The following NXPE2 variants were observed in gnomAD, a reference collection of about 807,000 sequenced individuals.
NXPE2 encodes NXPE family member 2.
NXPE2 carries 34 observed loss-of-function variants against 34.4 expected under a neutral mutation model. That is an observed-to-expected ratio of 0.99 (90% CI 0.75 to 1.31). The LOEUF (loss-of-function observed/expected upper bound fraction) is 1.31, where lower values mean the gene tolerates loss of function less well. Among genes scored for constraint, NXPE2 ranks in the 40% most tolerant of loss-of-function variants. NXPE2 has a pLI of 0.00. For missense variants in NXPE2, 649 were observed against 672.5 expected, an observed-to-expected ratio of 0.97 and a Z score of 0.39; for synonymous variants, 235 against 231.3, an observed-to-expected ratio of 1.02 and a Z score of -0.15.
chr11:114,797,704 C>T, the NXPE2 span, among the ~76,000 whole-genome samples: 1 of 152,156 alleles, frequency 6.6e-6, no homozygotes, highest in Non-Finnish European at 1.5e-5. Flanking sequence ...ATTCCATGAA[C>T]CTTTCAAGTG....
At chr11:114,549,594 T>C in the NXPE2 span, among the ~76,000 whole-genome samples, 1 of 152,004 alleles carries the variant, frequency 6.6e-6, no homozygotes, top group Non-Finnish European at 1.5e-5. Context: ...CCTCTACACA[T>C]AAAATATATA....
the NXPE2 span, among the ~76,000 whole-genome samples, chr11:114,562,784 G>T: frequency 1.3e-5 from 2 of 152,112 alleles, no homozygotes; most frequent in Non-Finnish European, 2.9e-5. Flanking sequence ...GATAAGGCTC[G>T]ATCTGTGGTT....
the NXPE2 span, among the ~76,000 whole-genome samples, chr11:114,573,443 G>C: frequency 6.9e-6 from 1 of 145,814 alleles, no homozygotes; most frequent in Non-Finnish European, 1.5e-5. Flanking sequence ...CACCAGCCAA[G>C]TTTCTGCTGT....
At chr11:114,725,593 C>T in the NXPE2 span, among the ~76,000 whole-genome samples, 2 of 151,928 alleles carry the variant, frequency 1.3e-5, no homozygotes, top group Non-Finnish European at 2.9e-5. Context: ...TTAATAATGG[C>T]GTAGCCCCAC....
At chr11:114,633,799 AT>A in the NXPE2 span, among the ~76,000 whole-genome samples, 4 of 151,950 alleles carry the variant, frequency 2.6e-5, no homozygotes, top group Non-Finnish European at 4.4e-5. Flanking sequence ...TGAACTCACC[AT>A]TTTTTATGGC....
rs778550381 is a variant in NXPE2, at chr11:114,678,607, G to A, written c.26+6G>A. 3 of 1,547,676 alleles carry A rather than the reference G, an allele frequency of 1.9e-6. No individual in the cohort carries two copies. The South Asian group carries it at 3.6e-5, about 18-fold the overall frequency. On this transcript the variant is annotated splice_donor_region_variant and intron_variant, in intron 1 of 5. Coordinates refer to ENST00000389586, the MANE Select transcript of NXPE2 (RefSeq NM_182495.6). ...GAGAAAATACTCATCCATAGGTGTG[G>A]TACTTTCCAACTCTTACTGCCAAGC...
chr11:114,484,330 T>C, the NXPE2 span, among the ~76,000 whole-genome samples: 2 of 152,174 alleles, frequency 1.3e-5, no homozygotes, highest in East Asian at 3.8e-4. Flanking sequence ...GGTATTTTTA[T>C]TGCACTTTCC....
chr11:114,522,044 T>C, the NXPE2 span: 2 of 1,613,824 alleles, frequency 1.2e-6, no homozygotes, highest in Non-Finnish European at 1.7e-6. Context: ...GTCAGTGCCA[T>C]ATGCAATGGT....
At chr11:114,553,691 G>T in the NXPE2 span, 1 of 983,702 alleles carries the variant, frequency 1.0e-6, no homozygotes, top group Non-Finnish European at 1.2e-6. Flanking sequence ...GTCTCACCTA[G>T]ATTCTACTCC....
intron 4 of NXPE2, among the ~76,000 whole-genome samples, chr11:114,704,603 G>T (rs1161232715): frequency 6.6e-6 from 1 of 152,204 alleles, no homozygotes; most frequent in African/African-American, 2.4e-5. Flanking sequence ...CAAAATTAAA[G>T]TAAAGCAAAG....
At chr11:114,678,093 A>T (rs1435697815), upstream of NXPE2, among the ~76,000 whole-genome samples, 1 of 152,138 alleles carries the variant, frequency 6.6e-6, no homozygotes, top group East Asian at 1.9e-4. Context: ...GTTTACAAAG[A>T]AAGCACTCCA....
the NXPE2 span, among the ~76,000 whole-genome samples, chr11:114,625,213 T>C: frequency 0.014 from 2,071 of 152,298 alleles, 33 homozygotes; most frequent in African/African-American, 0.047. Flanking sequence ...GTAACCACTG[T>C]TACCTGTTGG....
the NXPE2 span, among the ~76,000 whole-genome samples, chr11:114,605,155 G>GT: frequency 2.6e-5 from 4 of 150,970 alleles, no homozygotes; most frequent in African/African-American, 9.7e-5. Flanking sequence ...CTGTTTCCCA[G>GT]GGATAATAAG....
chr11:114,582,948 GTT>G, the NXPE2 span: 3 of 1,614,152 alleles, frequency 1.9e-6, no homozygotes, highest in South Asian at 3.3e-5. Flanking sequence ...TATCAGTGGT[GTT>G]TTAGGGAATA....
chr11:114,711,783 A>T (rs1184032498), downstream of NXPE2, among the ~76,000 whole-genome samples: 2 of 152,182 alleles, frequency 1.3e-5, no homozygotes, highest in Non-Finnish European at 2.9e-5. Context: ...AGGGATGTTG[A>T]GTAGCCTAAA....
the NXPE2 span, among the ~76,000 whole-genome samples, chr11:114,612,432 C>T: frequency 1.9e-3 from 292 of 151,962 alleles, 5 homozygotes; most frequent in East Asian, 0.044. Context: ...AGTGTTGCCT[C>T]GTGGGTCACC....
chr11:114,476,436 T>C, the NXPE2 span, among the ~76,000 whole-genome samples: 3 of 152,240 alleles, frequency 2.0e-5, no homozygotes, highest in South Asian at 2.1e-4. Context: ...AAGACTCTTA[T>C]GTATTTAAAT....
chr11:114,759,258 A>C, the NXPE2 span, among the ~76,000 whole-genome samples: 1 of 152,208 alleles, frequency 6.6e-6, no homozygotes, highest in African/African-American at 2.4e-5. Flanking sequence ...TTTAGGGCTC[A>C]GGAGCACAGA....
the NXPE2 span, among the ~76,000 whole-genome samples, chr11:114,638,912 G>GGGGTCAA: frequency 9.2e-5 from 14 of 152,028 alleles, no homozygotes; most frequent in South Asian, 2.9e-3. Context: ...TTGGGGGTCA[G>GGGGTCAA]GGGTCAGGGA....
Sources: allele counts gnomAD v4.1 joint callset (sites outside exome capture counted in the v4.1 genomes callset), GRCh38; gene constraint gnomAD v4.1.1; transcripts MANE v1.5; gene names NCBI Gene and HGNC (gene_info 2026-07-23, HGNC 2026-07-21).